The following B4GALT5 variants were observed in gnomAD, a reference collection of about 807,000 sequenced individuals.
B4GALT5 encodes the protein beta-1,4-galactosyltransferase 5, also known as UDP-Gal:beta-GlcNAc beta-1,4-galactosyltransferase 5.
A neutral mutation model predicts 45.0 loss-of-function variants in B4GALT5; 11 were observed. That is an observed-to-expected ratio of 0.24 (90% CI 0.15 to 0.40). The LOEUF (loss-of-function observed/expected upper bound fraction) is 0.40, where lower values mean the gene tolerates loss of function less well. Among genes scored for constraint, B4GALT5 ranks in the 10% least tolerant of loss-of-function variants. The pLI is 1.00. For synonymous variants in B4GALT5, 185 were observed against 182.9 expected, an observed-to-expected ratio of 1.01 and a Z score of -0.09; for missense variants, 337 against 500.2, an observed-to-expected ratio of 0.67 and a Z score of 3.11.
At chr20:49,697,138 T>C (rs2085842477) in intron 1 of B4GALT5, among the ~76,000 whole-genome samples, 1 of 152,202 alleles carries the variant, frequency 6.6e-6, no homozygotes, top group South Asian at 2.1e-4. Flanking sequence ...GCAGTGGGCT[T>C]TGGTCAAAGC....
At chr20:49,643,768 G>T in intron 3 of B4GALT5, 118 bp from the exon 4 acceptor site, 2 of 1,117,620 alleles carry the variant, frequency 1.8e-6, no homozygotes, top group Non-Finnish European at 2.5e-6. Flanking sequence ...TTTTAGCAAG[G>T]ATGGAAGTCC....
At chr20:49,681,037 A>T (rs944404921) in intron 1 of B4GALT5, among the ~76,000 whole-genome samples, 1 of 151,970 alleles carries the variant, frequency 6.6e-6, no homozygotes, top group African/African-American at 2.4e-5. Flanking sequence ...CCTGGGAAAC[A>T]GAGTTAAACC....
In B4GALT5 at chr20:49,679,051, A is replaced by G. The variant is rs537934984; in HGVS notation, c.116-22349T>C. Reference sequence around the variant, plus strand: ...AAAGCCAAGACCCAAAGTTAACCACAATACAAAAGGAGAGAAGAATGGATA... The same window carrying G: ...AAAGCCAAGACCCAAAGTTAACCACGATACAAAAGGAGAGAAGAATGGATA... On this transcript the variant is annotated intron_variant, in intron 1 of 8. Coordinates refer to ENST00000371711, the MANE Select transcript of B4GALT5 (RefSeq NM_004776.4). Among the ~76,000 whole-genome samples, 23 of 152,314 alleles carry G rather than the reference A, an allele frequency of 1.5e-4. No individual in the cohort carries two copies. The South Asian group carries it at 4.4e-3, about 29-fold the overall frequency.
chr20:49,680,062 T>C (rs1384556450), intron 1 of B4GALT5, among the ~76,000 whole-genome samples: 1 of 152,236 alleles, frequency 6.6e-6, no homozygotes, highest in Non-Finnish European at 1.5e-5. Flanking sequence ...TTTTCAGGTT[T>C]TCTATCTATT....
chr20:49,683,889 C>G (rs1377551833), intron 1 of B4GALT5, among the ~76,000 whole-genome samples: 25 of 151,708 alleles, frequency 1.6e-4, no homozygotes, highest in Admixed American at 1.6e-3. Flanking sequence ...GCCTGTAATC[C>G]CAGCACTTTG....
chr20:49,662,653 T>G (rs1031272334), intron 1 of B4GALT5, among the ~76,000 whole-genome samples: 2 of 152,212 alleles, frequency 1.3e-5, no homozygotes, highest in African/African-American at 4.8e-5. Flanking sequence ...TGCACTAACC[T>G]GTTCCTAAGA....
rs1487557834 is a variant in B4GALT5, at chr20:49,713,742, C to G, written c.-52G>C. On this transcript the variant is annotated 5_prime_UTR_variant, in exon 1 of 9. Transcript: ENST00000371711. ...CCAGGCCGGGCCTGCTCCCGCAGCTCCCCGTCCGCCGCCTCCTGGGCCGCC... is the reference window on the plus strand; with the variant it reads ...CCAGGCCGGGCCTGCTCCCGCAGCTGCCCGTCCGCCGCCTCCTGGGCCGCC... 3.0e-6 allele frequency: 2 copies of G among 661,608 alleles called. No homozygotes were observed. Among genetic ancestry groups the G allele is most frequent in the Non-Finnish European group, 4.1e-6 (2 of 482,166 alleles). The allele number at this position is 661,608 out of a possible 1,614,324, so 41.0% of individuals were successfully genotyped here. A position where few individuals can be genotyped will look rare whatever the true frequency, so the allele number is the denominator to read the frequency against.
At chr20:49,653,314 T>C (rs1316150263) in intron 2 of B4GALT5, among the ~76,000 whole-genome samples, 1 of 152,224 alleles carries the variant, frequency 6.6e-6, no homozygotes, top group African/African-American at 2.4e-5. Context: ...ATGCTCAACC[T>C]GTACTTACTC....
At chr20:49,704,358 C>T (rs938026155) in intron 1 of B4GALT5, among the ~76,000 whole-genome samples, 2 of 152,176 alleles carry the variant, frequency 1.3e-5, no homozygotes, top group Admixed American at 6.5e-5. Context: ...AAATATCCTA[C>T]AACTTTTTAA....
At chr20:49,695,745 C>T (rs2085837195) in intron 1 of B4GALT5, among the ~76,000 whole-genome samples, 1 of 149,034 alleles carries the variant, frequency 6.7e-6, no homozygotes, top group South Asian at 2.1e-4. Flanking sequence ...TATAGCAGAA[C>T]TATTTAATAT....
intron 2 of B4GALT5, among the ~76,000 whole-genome samples, chr20:49,652,060 C>T (rs1204659755): frequency 6.6e-6 from 1 of 152,244 alleles, no homozygotes; most frequent in African/African-American, 2.4e-5. Context: ...GCCTGGGTGA[C>T]AGAGCAAGAC....
chr20:49,706,960 C>G (rs1394334189), intron 1 of B4GALT5, among the ~76,000 whole-genome samples: 1 of 152,276 alleles, frequency 6.6e-6, no homozygotes, highest in East Asian at 1.9e-4. Context: ...TCTGCTCTCT[C>G]AGAGAGCTCT....
chr20:49,641,573 G>A lies in B4GALT5; in HGVS notation c.606+895C>T, dbSNP rs540521732. On this transcript the variant is annotated intron_variant, in intron 5 of 8. Coordinates refer to ENST00000371711, the MANE Select transcript of B4GALT5 (RefSeq NM_004776.4). ...CCAACTTAGGACCGGCAGATAGACC[G>A]TTAGCATTTCCCAGATGCCCAGCCT... is the stretch of plus-strand genomic sequence containing the variant. 1.2e-4 allele frequency among the ~76,000 whole-genome samples: 19 copies of A among 152,278 alleles called. No homozygotes were observed. The East Asian group carries it at 3.1e-3, about 25-fold the overall frequency.
intron 2 of B4GALT5, among the ~76,000 whole-genome samples, chr20:49,648,608 AG>A (rs1340937986): frequency 6.6e-6 from 1 of 151,964 alleles, no homozygotes; most frequent in Non-Finnish European, 1.5e-5. Context: ...CTACCTACCA[AG>A]GTTTTTTGCT....
rs1345808561 is a variant in B4GALT5, at chr20:49,656,618, T to C, written c.200A>G (p.Gln67Arg). The change falls in exon 2 of 9, where the codon CAG (glutamine) becomes CGG (arginine). Residue 67 changes from glutamine to arginine, a missense_variant. Physicochemically the swap from Gln to Arg is conservative, Grantham distance 43. This residue lies in a region of B4GALT5 where 174 missense variants were observed against 207.4 expected (regional missense o/e 0.84). Transcript: ENST00000371711. ...CTTGGCATAAGCACTCCGAAGCACC[T>C]GCTCATAAACCTGAGCACCGATTGT... Reference protein sequence around the residue: ...VRTIGAQVYEQVLRSAYAKRN... With the variant: ...VRTIGAQVYERVLRSAYAKRN... 6.2e-7 allele frequency: 1 copy of C among 1,614,208 alleles called. No homozygotes were observed. The highest frequency in any genetic ancestry group is 2.2e-5 in the East Asian group (1 of 44,886).
intron 1 of B4GALT5, among the ~76,000 whole-genome samples, chr20:49,712,856 G>A: frequency 1.3e-5 from 2 of 148,420 alleles, no homozygotes; most frequent in Non-Finnish European, 3.0e-5. Flanking sequence ...GGGAGATGGG[G>A]AAGAGGCATG....
At chr20:49,671,307 A>C (rs1329407025) in intron 1 of B4GALT5, among the ~76,000 whole-genome samples, 2 of 152,200 alleles carry the variant, frequency 1.3e-5, no homozygotes, top group African/African-American at 4.8e-5. Flanking sequence ...CTTGGGAAGC[A>C]GAGGTTGTGG....
chr20:49,674,253 G>A (rs1427159946), intron 1 of B4GALT5, among the ~76,000 whole-genome samples: 1 of 150,350 alleles, frequency 6.7e-6, no homozygotes. Context: ...AAAAAGATGT[G>A]GGAAAAGTTT....
At chr20:49,639,595 T>G in intron 7 of B4GALT5, 83 bp downstream of exon 7, 3 of 1,536,232 alleles carry the variant, frequency 2.0e-6, no homozygotes, top group Non-Finnish European at 2.6e-6. Flanking sequence ...CACACATGGC[T>G]TGCATTATAT....
Sources: gnomAD v4.1 joint callset for allele counts (sites outside exome capture counted in the v4.1 genomes callset) on GRCh38, gnomAD v4.1.1 for gene constraint, gnomAD v4.1.1 regional missense constraint, MANE v1.5 for transcripts, NCBI Gene and HGNC (gene_info 2026-07-23, HGNC 2026-07-21) for gene names.